MTMR14: variants seen among roughly 807,000 people sequenced by gnomAD.
MTMR14 encodes the protein phosphatidylinositol-3,5-bisphosphate 3-phosphatase MTMR14.
MTMR14 carries 48 observed loss-of-function variants against 86.3 expected under a neutral mutation model. The observed-to-expected ratio is 0.56, with a 90% CI of 0.44 to 0.71. MTMR14 has a LOEUF of 0.71. Among genes scored for constraint, MTMR14 ranks in the 30% least tolerant of loss-of-function variants. The pLI is 0.00. For synonymous variants in MTMR14, 366 were observed against 326.1 expected, an observed-to-expected ratio of 1.12 and a Z score of -1.32; for missense variants, 780 against 834.6, an observed-to-expected ratio of 0.93 and a Z score of 0.81.
chr3:9,681,347 A>C (rs753322314), intron 9 of MTMR14, among the ~76,000 whole-genome samples: 10 of 152,206 alleles, frequency 6.6e-5, no homozygotes, highest in Admixed American at 1.3e-4. Flanking sequence ...CCAGCTATGA[A>C]GAAGCAGCAA....
chr3:9,696,916 G>C (rs1212152541), intron 17 of MTMR14, among the ~76,000 whole-genome samples: 1 of 152,088 alleles, frequency 6.6e-6, no homozygotes, highest in African/African-American at 2.4e-5. Context: ...TTGCCTCCCC[G>C]ACCCACACTG....
chr3:9,673,948 A>T (rs1469531987), intron 7 of MTMR14, among the ~76,000 whole-genome samples: 1 of 152,008 alleles, frequency 6.6e-6, no homozygotes, highest in Admixed American at 6.6e-5. Flanking sequence ...GATGTTGATG[A>T]TGGTGATGAT....
At chr3:9,700,651 C>G (rs534182525) in intron 18 of MTMR14, 2 of 152,298 alleles carry the variant, frequency 1.3e-5, no homozygotes, top group African/African-American at 4.8e-5. Flanking sequence ...AGCACCCTTT[C>G]AGCTGTTTAC....
chr3:9,661,114 G>C (rs578089233), intron 2 of MTMR14, among the ~76,000 whole-genome samples: 2 of 152,264 alleles, frequency 1.3e-5, no homozygotes, highest in African/African-American at 4.8e-5. Context: ...CTTCTCTTAT[G>C]CCTCCTTTGC....
chr3:9,675,410 A>G (rs1272169126), intron 7 of MTMR14: 2 of 298,838 alleles, frequency 6.7e-6, no homozygotes, highest in African/African-American at 4.4e-5. Flanking sequence ...CTTTGATGCT[A>G]TTTAAGGAAT....
intron 3 of MTMR14, among the ~76,000 whole-genome samples, chr3:9,662,787 T>C (rs1176289189): frequency 6.6e-6 from 1 of 152,240 alleles, no homozygotes; most frequent in Admixed American, 6.5e-5. Context: ...TATTGTATAT[T>C]ATGTGCCAGA....
Position 9,687,898 on chromosome 3 carries a change from G to A in MTMR14, c.1235+7G>A, listed in dbSNP as rs1369486287. On this transcript the variant is annotated splice_region_variant and intron_variant, in intron 14 of 18. Coordinates refer to ENST00000296003, the MANE Select transcript of MTMR14 (RefSeq NM_001077525.3). ...CTGCTCTGAAGACCCAGAGGTAAGT[G>A]GAGGCCTGCACGTGTCATGCTGGGC... is the stretch of plus-strand genomic sequence containing the variant. 4.4e-6 allele frequency: 7 copies of A among 1,584,528 alleles called. No homozygotes were observed. The highest frequency in any genetic ancestry group is 2.3e-5 in the East Asian group (1 of 44,370).
At chr3:9,686,269 T>C (rs896349242) in intron 13 of MTMR14, among the ~76,000 whole-genome samples, 1 of 152,226 alleles carries the variant, frequency 6.6e-6, no homozygotes, top group Non-Finnish European at 1.5e-5. Context: ...AAATCAGTGC[T>C]TCAAGAAGCC....
Position 9,699,468 on chromosome 3 carries a change from A to C in MTMR14, c.1769+1602A>C, listed in dbSNP as rs574418747. Reference sequence around the variant, plus strand: ...CTGCAAGACTGTGGGATGTGGTCAGAGTTGATTCCTGTGAAGCCGTGCAGC... The same window carrying C: ...CTGCAAGACTGTGGGATGTGGTCAGCGTTGATTCCTGTGAAGCCGTGCAGC... On this transcript the variant is annotated intron_variant, in intron 18 of 18. Transcript: ENST00000296003. 2.6e-5 allele frequency: 4 copies of C among 152,324 alleles called. No homozygotes were observed. In the South Asian group the frequency reaches 8.3e-4, roughly 32 times the overall value. The allele number at this position is 152,324 out of a possible 1,614,324, so 9.4% of individuals were successfully genotyped here.
At position 9,702,051 on chromosome 3, in the gene MTMR14, A is replaced by AG; in HGVS notation, c.*82dup. Reference sequence around the variant, plus strand: ...GAGAATCAAAGCCATGCCTGGCCGAAGGGGTACTTCCAGGTCAGGGGAAAT... The same window carrying AG: ...GAGAATCAAAGCCATGCCTGGCCGAAGGGGGTACTTCCAGGTCAGGGGAAAT... On this transcript the variant is annotated 3_prime_UTR_variant, in exon 19 of 19. Transcript: ENST00000296003. 1.3e-6 allele frequency: 2 copies of AG among 1,578,984 alleles called. No homozygotes were observed. The highest frequency in any genetic ancestry group is 1.7e-6 in the Non-Finnish European group (2 of 1,152,206).
At chr3:9,649,949 G>T (rs1190292070) in intron 1 of MTMR14, among the ~76,000 whole-genome samples, 1 of 152,094 alleles carries the variant, frequency 6.6e-6, no homozygotes, top group Non-Finnish European at 1.5e-5. Context: ...GTCAGAATGA[G>T]CCCAGCAAAG....
intron 3 of MTMR14, among the ~76,000 whole-genome samples, chr3:9,667,602 C>A (rs2048326100): frequency 6.6e-6 from 1 of 152,162 alleles, no homozygotes; most frequent in South Asian, 2.1e-4. Context: ...GACAGCCTCT[C>A]CACAAACCAG....
chr3:9,694,768 C>G (rs12490544), intron 17 of MTMR14, among the ~76,000 whole-genome samples: 20,681 of 152,180 alleles, frequency 0.14, 1,721 homozygotes, highest in African/African-American at 0.24. Context: ...TCTTGTACCC[C>G]CTTCCAGAAA....
At chr3:9,679,284 G>C (rs1207843896) in intron 9 of MTMR14, among the ~76,000 whole-genome samples, 1 of 152,346 alleles carries the variant, frequency 6.6e-6, no homozygotes, top group East Asian at 1.9e-4. Flanking sequence ...TGGAAGCCTG[G>C]AGAAGGAACA....
rs971532031 is a variant in MTMR14 at position 9,694,576 on chromosome 3, T to C, written c.1614-3135T>C. Among the ~76,000 whole-genome samples, 5 of 152,294 alleles carry C rather than the reference T, an allele frequency of 3.3e-5. No homozygotes were observed. In the East Asian group the frequency reaches 7.7e-4, roughly 24 times the overall value. The stretch of plus-strand genomic sequence containing the variant: ...CTGGGATGGATGGAGTAAATACTCA[T>C]AGTAGATACCTTTTCACGAATGCTC... On this transcript the variant is annotated intron_variant, in intron 17 of 18. Transcript: ENST00000296003.
chr3:9,688,326 G>GAA (rs1178754459), intron 14 of MTMR14, among the ~76,000 whole-genome samples: 1 of 152,246 alleles, frequency 6.6e-6, no homozygotes, highest in Non-Finnish European at 1.5e-5. Flanking sequence ...TCCGGCCTGG[G>GAA]AAATGCAAGA....
In MTMR14 at chr3:9,701,680, T is replaced by C; in HGVS notation, c.1770-110T>C. On this transcript the variant is annotated intron_variant, in intron 18 of 18. Transcript: ENST00000296003. This position sits in a 1 kb window ranked among gnomAD's most constrained non-coding sequence, Gnocchi z 4.2. ...ATGGCCGTAGGACAGACACTGGCCT[T>C]GTACAGTCAGAAGAAGCACAAGGAC... is the stretch of plus-strand genomic sequence containing the variant. The C allele has an allele frequency of 1.5e-6, 2 of 1,296,152 alleles. No homozygotes were observed. Among genetic ancestry groups the C allele is most frequent in the South Asian group, 1.2e-5 (1 of 82,778 alleles). 80.3% of individuals were successfully genotyped at this position (1,296,152 alleles called of 1,614,324 possible). A position where few individuals can be genotyped will look rare whatever the true frequency, so the allele number is the denominator to read the frequency against.
At chr3:9,655,262 G>A (rs2047529394) in intron 2 of MTMR14, among the ~76,000 whole-genome samples, 1 of 151,622 alleles carries the variant, frequency 6.6e-6, no homozygotes, top group Non-Finnish European at 1.5e-5. Context: ...AGCTACTCGG[G>A]TGGCTGAGGC....
Position 9,653,627 on chromosome 3 carries a change from C to G in MTMR14, c.166C>G (p.Arg56Gly), listed in dbSNP as rs377332766. Residue 56 changes from arginine to glycine, a missense_variant, in exon 2 of 19, where the codon CGC (arginine) becomes GGC (glycine). Arg to Gly is a moderately radical substitution (Grantham distance 125, BLOSUM62 -2). Transcript: ENST00000296003. ...GSGTGGSKVE[R>G]IEKRCLELFG... ...GGTCTCCTTCTCTGTGCAGGTTGAG[C>G]GCATTGAGAAGAGATGTCTGGAGCT... 116 of 1,613,926 alleles carry G rather than the reference C, an allele frequency of 7.2e-5. No homozygotes were observed. The highest frequency in any genetic ancestry group is 9.3e-5 in the Non-Finnish European group (110 of 1,180,032).
Sources: allele counts gnomAD v4.1 joint callset (sites outside exome capture counted in the v4.1 genomes callset), GRCh38; gene constraint gnomAD v4.1.1; non-coding constraint Gnocchi (gnomAD v3.1); transcripts MANE v1.5; gene names NCBI Gene and HGNC (gene_info 2026-07-23, HGNC 2026-07-21).